Variants in GBP6 observed in about 807,000 individuals in gnomAD.
GBP6 encodes guanylate binding protein family member 6.
A neutral mutation model predicts 61.5 loss-of-function variants in GBP6; 54 were observed. The ratio of observed to expected loss-of-function variants is 0.88; its 90% CI spans 0.71 to 1.10. GBP6 has a LOEUF of 1.10. Among genes scored for constraint, GBP6 ranks in the 50% least tolerant of loss-of-function variants. The pLI is 0.00. For missense variants in GBP6, 748 were observed against 752.8 expected, an observed-to-expected ratio of 0.99 and a Z score of 0.07; for synonymous variants, 255 against 273.7, an observed-to-expected ratio of 0.93 and a Z score of 0.67.
At chr1:89,380,988 TA>T (rs1652961393) in intron 6 of GBP6, among the ~76,000 whole-genome samples, 1 of 152,106 alleles carries the variant, frequency 6.6e-6, no homozygotes, top group African/African-American at 2.4e-5. Flanking sequence ...TGTTCAAGTT[TA>T]AAAACCTCTA....
intron 1 of GBP6, among the ~76,000 whole-genome samples, chr1:89,364,979 TGA>T (rs1409471747): frequency 1.3e-5 from 2 of 149,424 alleles, no homozygotes; most frequent in East Asian, 2.0e-4. Flanking sequence ...CCCCAGTGTG[TGA>T]GTTTCCCACC....
intron 5 of GBP6, among the ~76,000 whole-genome samples, chr1:89,379,112 T>C (rs76586789): frequency 2.6e-5 from 4 of 152,280 alleles, no homozygotes; most frequent in Admixed American, 1.3e-4. Context: ...TGTACAAGCA[T>C]GGCACCAGCA....
Position 89,380,416 on chromosome 1 carries a change from T to A in GBP6, c.656T>A (p.Phe219Tyr). 6.2e-7 allele frequency: 1 copy of A among 1,613,890 alleles called. No individual in the cohort carries two copies. Among genetic ancestry groups the A allele is most frequent in the South Asian group, 1.1e-5 (1 of 91,066 alleles). ...AATCCCAGAGTTCAAACATCCAATT[T>A]TCCCAGGGAGTGCATCAGGCGTTTC... The part of the protein sequence containing the change: ...GNNPRVQTSN[F>Y]PRECIRRFFP... Residue 219 changes from phenylalanine (F) to tyrosine (Y), a missense_variant, in exon 6 of 11, where the codon TTT becomes TAT. Transcript: ENST00000370456.
rs1653020521 is a variant in GBP6 at position 89,382,856 on chromosome 1, G to C, written c.1345G>C (p.Val449Leu). 1 of 1,613,626 alleles carries C rather than the reference G, an allele frequency of 6.2e-7. No homozygotes were observed. Among genetic ancestry groups the C allele is most frequent in the Non-Finnish European group, 8.5e-7 (1 of 1,179,566 alleles). The part of the protein sequence containing the change: ...KERIEQDYWQ[V>L]PRKGVKAKEV... Reference sequence around the variant, plus strand: ...AAGGATTGAACAGGACTATTGGCAAGTTCCCAGGAAAGGAGTAAAGGTAAG... The same window carrying C: ...AAGGATTGAACAGGACTATTGGCAACTTCCCAGGAAAGGAGTAAAGGTAAG... Residue 449 changes from valine to leucine, a missense_variant, in exon 8 of 11, where the codon GTT becomes CTT. Physicochemically the swap from Val to Leu is conservative, Grantham distance 32. Coordinates refer to ENST00000370456, the MANE Select transcript of GBP6 (RefSeq NM_198460.3).
At position 89,382,837 on chromosome 1, in the gene GBP6, T is replaced by A; in HGVS notation, c.1326T>A (p.Ile442=). 6.2e-7 allele frequency: 1 copy of A among 1,614,102 alleles called. No homozygotes were observed. Among genetic ancestry groups the A allele is most frequent in the South Asian group, 1.1e-5 (1 of 91,076 alleles). ...HKLYMETKER[I]EQDYWQVPRK... ...TCTACATGGAAACAAAGGAAAGGATTGAACAGGACTATTGGCAAGTTCCCA... is the reference window on the plus strand; with the variant it reads ...TCTACATGGAAACAAAGGAAAGGATAGAACAGGACTATTGGCAAGTTCCCA... The change falls in exon 8 of 11, where the codon ATT becomes ATA. Residue 442 remains isoleucine, a synonymous_variant. Transcript: ENST00000370456.
intron 8 of GBP6, among the ~76,000 whole-genome samples, 179 bp from the exon 9 acceptor site, chr1:89,383,473 A>G (rs1183264043): frequency 3.3e-5 from 5 of 152,306 alleles, no homozygotes; most frequent in Middle Eastern, 3.4e-3. Context: ...GGAGGGAGAC[A>G]GGAAGCAGGA....
intron 2 of GBP6, 139 bp from the exon 3 acceptor site, chr1:89,369,403 AAAGT>A: frequency 1.0e-6 from 1 of 988,466 alleles, no homozygotes; most frequent in Non-Finnish European, 1.4e-6. Context: ...GATTATTCAC[AAAGT>A]AAGCCATTCT....
rs745775970 is a variant in GBP6 at position 89,381,766 on chromosome 1, T to A, written c.944T>A (p.Val315Glu). ...GCAGTGCCTTGTCTGGAGAATGCAGTGATAACTCTGGCCCAGCGTGAGAAC... is the reference window on the plus strand; with the variant it reads ...GCAGTGCCTTGTCTGGAGAATGCAGAGATAACTCTGGCCCAGCGTGAGAAC... ...SGAVPCLENAVITLAQRENSA... is the reference protein window; with the variant it reads ...SGAVPCLENAEITLAQRENSA... The change falls in exon 7 of 11, where the codon GTG becomes GAG. Residue 315 changes from valine to glutamate, a missense_variant. Physicochemically the swap from Val to Glu is moderately radical, Grantham distance 121 (BLOSUM62 -2). Coordinates refer to ENST00000370456, the MANE Select transcript of GBP6 (RefSeq NM_198460.3). The A allele has an allele frequency of 3.9e-4, 622 of 1,613,994 alleles. 1 individual carries two copies. The highest frequency in any genetic ancestry group is 5.1e-4 in the Non-Finnish European group (598 of 1,180,012).
chr1:89,372,627 C>T (rs1327842254), intron 3 of GBP6, among the ~76,000 whole-genome samples: 2 of 152,122 alleles, frequency 1.3e-5, no homozygotes, highest in African/African-American at 2.4e-5. Context: ...AAAGCTGAAA[C>T]TGGATCCCTT....
intron 3 of GBP6, among the ~76,000 whole-genome samples, chr1:89,374,097 T>C (rs770506007): frequency 1.1e-4 from 17 of 152,136 alleles, no homozygotes; most frequent in Non-Finnish European, 2.4e-4. Flanking sequence ...AAGAAGGATG[T>C]GTTTGCTTCC....
At chr1:89,371,185 G>T (rs1268897629) in intron 3 of GBP6, among the ~76,000 whole-genome samples, 1 of 152,162 alleles carries the variant, frequency 6.6e-6, no homozygotes, top group East Asian at 1.9e-4. Context: ...CCTTTTTTGA[G>T]ATTGAATATA....
At position 89,380,622 on chromosome 1, in the gene GBP6, A is replaced by G. The variant is rs780886178; in HGVS notation, c.862A>G (p.Thr288Ala). Residue 288 changes from threonine to alanine, a missense_variant, in exon 6 of 11, where the codon ACT (threonine) becomes GCT (alanine). By Grantham distance (58) the Thr-to-Ala change is moderately conservative. Coordinates refer to ENST00000370456, the MANE Select transcript of GBP6 (RefSeq NM_198460.3). ...TKTLREGITV[T>A]GNRLGTLAVT... ...GACCCTCAGGGAGGGAATCACAGTCACTGGGAATCGTGAGTCTCCTTTTTA... is the reference window on the plus strand; with the variant it reads ...GACCCTCAGGGAGGGAATCACAGTCGCTGGGAATCGTGAGTCTCCTTTTTA... 6.2e-7 allele frequency: 1 copy of G among 1,613,542 alleles called. No individual in the cohort carries two copies. The highest frequency in any genetic ancestry group is 8.5e-7 in the Non-Finnish European group (1 of 1,179,510).
chr1:89,378,109 C>A lies in GBP6; in HGVS notation c.325C>A (p.Pro109Thr). The A allele has an allele frequency of 6.2e-7, 1 of 1,612,134 alleles. No individual in the cohort carries two copies. The highest frequency in any genetic ancestry group is 8.5e-7 in the Non-Finnish European group (1 of 1,179,546). ...EGLGDVEKGD[P>T]KNDSWIFALA... is the part of the protein sequence containing the mutation. ...GCTCTAATGTGCTTTTTAGGGTGAC[C>A]CTAAGAATGACTCCTGGATCTTTGC... Residue 109 changes from proline (P) to threonine (T), a missense_variant, in exon 4 of 11, where the codon CCT becomes ACT. Pro to Thr is a conservative substitution (Grantham distance 38, BLOSUM62 -1). Transcript: ENST00000370456.
chr1:89,380,754 C>T, intron 6 of GBP6, 123 bp downstream of exon 6: 2 of 816,890 alleles, frequency 2.4e-6, no homozygotes, highest in Non-Finnish European at 3.8e-6. Flanking sequence ...TATTCACACT[C>T]AGTGAAGAAA....
In GBP6 at chr1:89,368,623, C is replaced by A. The variant is rs148123280; in HGVS notation, c.72C>A (p.Asn24Lys). 414 of 1,614,024 alleles carry A rather than the reference C, an allele frequency of 2.6e-4. No homozygotes were observed. The highest frequency in any genetic ancestry group is 3.4e-4 in the Non-Finnish European group (397 of 1,180,006). Reference protein sequence around the residue: ...VENNNEQLLVNQQAIQILEKI... With the variant: ...VENNNEQLLVKQQAIQILEKI... ...ATAACAATGAGCAGCTATTGGTGAACCAGCAAGCTATACAGATTCTTGAAA... is the reference window on the plus strand; with the variant it reads ...ATAACAATGAGCAGCTATTGGTGAAACAGCAAGCTATACAGATTCTTGAAA... The change falls in exon 2 of 11, where the codon AAC becomes AAA. Residue 24 changes from asparagine to lysine, a missense_variant. Asn to Lys is a moderately conservative substitution (Grantham distance 94, BLOSUM62 0). Coordinates refer to ENST00000370456, the MANE Select transcript of GBP6 (RefSeq NM_198460.3).
At chr1:89,384,457 A>G (rs1225094596) in intron 10 of GBP6, among the ~76,000 whole-genome samples, 171 bp downstream of exon 10, 1 of 152,146 alleles carries the variant, frequency 6.6e-6, no homozygotes, top group East Asian at 1.9e-4. Flanking sequence ...TAAGACTTGG[A>G]ATTCTTCTCT....
chr1:89,373,235 A>G (rs1449970168), intron 3 of GBP6, among the ~76,000 whole-genome samples: 1 of 152,212 alleles, frequency 6.6e-6, no homozygotes, highest in Non-Finnish European at 1.5e-5. Flanking sequence ...AACTAGTTCA[A>G]CCATTGTGGA....
chr1:89,383,481 G>A (rs1253394262), intron 8 of GBP6, among the ~76,000 whole-genome samples, 171 bp from the exon 9 acceptor site: 1 of 152,174 alleles, frequency 6.6e-6, no homozygotes, highest in African/African-American at 2.4e-5. Context: ...ACAGGAAGCA[G>A]GAATTGAGGA....
At chr1:89,376,197 T>A (rs952293934) in intron 3 of GBP6, among the ~76,000 whole-genome samples, 3 of 152,206 alleles carry the variant, frequency 2.0e-5, no homozygotes, top group Non-Finnish European at 4.4e-5. Flanking sequence ...AATTCATTCA[T>A]CTGTTAATGG....
Sources: gnomAD v4.1 joint callset for allele counts (sites outside exome capture counted in the v4.1 genomes callset) on GRCh38, gnomAD v4.1.1 for gene constraint, MANE v1.5 for transcripts, NCBI Gene and HGNC (gene_info 2026-07-23, HGNC 2026-07-21) for gene names.